PLPPR1: variants seen among roughly 807,000 people sequenced by gnomAD.
PLPPR1 encodes phospholipid phosphatase related 1.
PLPPR1 carries 10 observed loss-of-function variants against 33.1 expected under a neutral mutation model. The observed-to-expected ratio is 0.30, with a 90% CI of 0.19 to 0.51. The LOEUF (loss-of-function observed/expected upper bound fraction) is 0.51. Among genes scored for constraint, PLPPR1 ranks in the 20% least tolerant of loss-of-function variants. The pLI, the probability that PLPPR1 is intolerant of heterozygous loss-of-function variation, is 0.97. For synonymous variants in PLPPR1, 151 were observed against 151.0 expected (o/e 1.00, Z 0.00); for missense variants, 304 against 408.1 (o/e 0.74, Z 2.20).
intron 2 of PLPPR1, among the ~76,000 whole-genome samples, chr9:101,221,866 A>C (rs1338584529): frequency 6.6e-6 from 1 of 152,240 alleles, no homozygotes; most frequent in Non-Finnish European, 1.5e-5. Flanking sequence ...TACTTGAATA[A>C]GACAGAACTC....
chr9:101,164,256 A>G (rs72741446), intron 1 of PLPPR1, among the ~76,000 whole-genome samples: 6,924 of 152,272 alleles, frequency 0.045, 239 homozygotes, highest in Non-Finnish European at 0.066. Flanking sequence ...ACTCTCTGTA[A>G]ATGTTTCTCA....
intron 4 of PLPPR1, among the ~76,000 whole-genome samples, chr9:101,287,096 C>T (rs922490167): frequency 6.6e-6 from 1 of 152,178 alleles, no homozygotes; most frequent in South Asian, 2.1e-4. Context: ...TAAGCAAATA[C>T]CACATCAAAA....
At chr9:101,212,068 C>T in intron 2 of PLPPR1, among the ~76,000 whole-genome samples, 1 of 151,850 alleles carries the variant, frequency 6.6e-6, no homozygotes, top group East Asian at 1.9e-4. Context: ...AGGTTGCTTC[C>T]AAATCTTGGC....
chr9:101,267,885 G>A (rs1297389520), intron 2 of PLPPR1, among the ~76,000 whole-genome samples: 1 of 152,068 alleles, frequency 6.6e-6, no homozygotes, highest in Non-Finnish European at 1.5e-5. Context: ...ACTTCTGTCT[G>A]GTTTTGTTTT....
chr9:101,194,850 G>A (rs1270724030), intron 2 of PLPPR1, among the ~76,000 whole-genome samples: 1 of 151,950 alleles, frequency 6.6e-6, no homozygotes, highest in Non-Finnish European at 1.5e-5. Context: ...TATCATAGTT[G>A]CAGATGTTAG....
intron 2 of PLPPR1, among the ~76,000 whole-genome samples, chr9:101,260,838 G>T (rs1247493797): frequency 1.3e-5 from 2 of 152,182 alleles, no homozygotes; most frequent in Non-Finnish European, 2.9e-5. Context: ...GTTAAAGATA[G>T]ATCCTGGGTG....
At position 101,084,505 on chromosome 9, in the gene PLPPR1, T is replaced by C. The variant is rs142263867; in HGVS notation, c.-46+55403T>C. ...TCTACACAATCTTCTGTGCAGTTGG[T>C]ACTATTATAACACCAAGTTTATAAA... On this transcript the variant is annotated intron_variant, in intron 1 of 7. Coordinates refer to ENST00000374874, the MANE Select transcript of PLPPR1 (RefSeq NM_207299.2). Among the ~76,000 whole-genome samples the C allele has an allele frequency of 8.0e-3, 1,226 of 152,302 alleles. 16 individuals carry two copies. Among genetic ancestry groups the C allele is most frequent in the African/African-American group, 0.028 (1,163 of 41,566 alleles).
intron 1 of PLPPR1, among the ~76,000 whole-genome samples, chr9:101,045,456 A>G (rs547175414): frequency 6.6e-6 from 1 of 152,352 alleles, no homozygotes; most frequent in South Asian, 2.1e-4. Context: ...AAGAGCAATG[A>G]ATACATGGAA....
intron 1 of PLPPR1, among the ~76,000 whole-genome samples, chr9:101,137,899 T>A (rs1831397032): frequency 6.6e-6 from 1 of 152,238 alleles, no homozygotes; most frequent in Admixed American, 6.5e-5. Flanking sequence ...GTTCAAGTTA[T>A]CAGGTTATTC....
chr9:101,196,538 A>G (rs1249098432), intron 2 of PLPPR1, among the ~76,000 whole-genome samples: 2 of 152,212 alleles, frequency 1.3e-5, no homozygotes, highest in Non-Finnish European at 2.9e-5. Flanking sequence ...TTGTCCCTTT[A>G]TATAGTGGAC....
intron 2 of PLPPR1, among the ~76,000 whole-genome samples, chr9:101,200,240 T>G (rs577927153): frequency 2.0e-5 from 3 of 152,286 alleles, no homozygotes; most frequent in Non-Finnish European, 1.5e-5. Flanking sequence ...TTTGATATAG[T>G]CTCTGAGAGG....
intron 4 of PLPPR1, among the ~76,000 whole-genome samples, chr9:101,307,302 G>C (rs1208710650): frequency 6.6e-6 from 1 of 152,162 alleles, no homozygotes; most frequent in African/African-American, 2.4e-5. Context: ...GCCCTAATTG[G>C]AAACACTTCT....
chr9:101,117,198 G>T (rs1831127573), intron 1 of PLPPR1, among the ~76,000 whole-genome samples: 1 of 152,212 alleles, frequency 6.6e-6, no homozygotes, highest in African/African-American at 2.4e-5. Flanking sequence ...GCATTCCCAG[G>T]AGGTTAGAGC....
At chr9:101,287,889 T>G (rs1368195689) in intron 4 of PLPPR1, among the ~76,000 whole-genome samples, 1 of 152,216 alleles carries the variant, frequency 6.6e-6, no homozygotes, top group East Asian at 1.9e-4. Flanking sequence ...GAGTAACGCA[T>G]GCACACACAC....
At chr9:101,071,998 T>C (rs1830487290) in intron 1 of PLPPR1, among the ~76,000 whole-genome samples, 1 of 152,110 alleles carries the variant, frequency 6.6e-6, no homozygotes, top group Admixed American at 6.5e-5. Context: ...CATTTTTGAA[T>C]GGGGGTAATA....
intron 1 of PLPPR1, among the ~76,000 whole-genome samples, chr9:101,031,644 G>A (rs1039613771): frequency 1.3e-5 from 2 of 152,222 alleles, no homozygotes; most frequent in Admixed American, 6.5e-5. Context: ...GATGCAATCT[G>A]ATTAACTGCT....
intron 1 of PLPPR1, among the ~76,000 whole-genome samples, chr9:101,061,343 AC>A (rs1830345470): frequency 1.3e-5 from 2 of 152,130 alleles, no homozygotes; most frequent in Admixed American, 1.3e-4. Context: ...TATTAAAAAA[AC>A]ATGTTAATTA....
intron 2 of PLPPR1, among the ~76,000 whole-genome samples, chr9:101,188,230 C>T (rs1826237080): frequency 6.6e-6 from 1 of 152,022 alleles, no homozygotes; most frequent in African/African-American, 2.4e-5. Context: ...ATTTTTGTCT[C>T]TTTGTGCATA....
intron 7 of PLPPR1, among the ~76,000 whole-genome samples, chr9:101,321,809 A>T (rs1390423891): frequency 6.7e-6 from 1 of 148,168 alleles, no homozygotes; most frequent in Non-Finnish European, 1.5e-5. Flanking sequence ...ATATATAAGT[A>T]TATATATATG....
Sources: gnomAD v4.1 joint callset for allele counts (sites outside exome capture counted in the v4.1 genomes callset) on GRCh38, gnomAD v4.1.1 for gene constraint, MANE v1.5 for transcripts, NCBI Gene and HGNC (gene_info 2026-07-23, HGNC 2026-07-21) for gene names.